Variants in AGFG1 observed in about 807,000 individuals in gnomAD.
AGFG1 encodes the protein arf-GAP domain and FG repeat-containing protein 1.
A neutral mutation model predicts 60.6 loss-of-function variants in AGFG1; 10 were observed. The observed-to-expected ratio is 0.16, with a 90% CI of 0.10 to 0.28. The LOEUF (loss-of-function observed/expected upper bound fraction) is 0.28. Ranked by LOEUF, AGFG1 falls within the 10% of genes least tolerant of loss-of-function variation. The pLI is 1.00. For synonymous variants in AGFG1, 247 were observed against 242.9 expected, an observed-to-expected ratio of 1.02 and a Z score of -0.16; for missense variants, 537 against 676.5, an observed-to-expected ratio of 0.79 and a Z score of 2.29.
intron 1 of AGFG1, among the ~76,000 whole-genome samples, chr2:227,483,889 A>G (rs1001258330): frequency 2.0e-5 from 3 of 151,252 alleles, no homozygotes; most frequent in African/African-American, 7.3e-5. Flanking sequence ...TTTTGTTTTG[A>G]TTTTTCCCTT....
At position 227,558,410 on chromosome 2, in the gene AGFG1, T is replaced by G. The variant is rs2106252080; in HGVS notation, c.*3915T>G. On this transcript the variant is annotated 3_prime_UTR_variant, in exon 13 of 13. Coordinates refer to ENST00000310078, the MANE Select transcript of AGFG1 (RefSeq NM_004504.5). ...TTATTCTTGGTTTTTTTTTTTAACTTTAGAAGTAAATTAATATGGTAACTA... is the reference window on the plus strand; with the variant it reads ...TTATTCTTGGTTTTTTTTTTTAACTGTAGAAGTAAATTAATATGGTAACTA... 6.6e-6 allele frequency: 1 copy of G among 152,210 alleles called. No homozygotes were observed. The highest frequency in any genetic ancestry group is 2.1e-4 in the South Asian group (1 of 4,826). The allele number at this position is 152,210 out of a possible 1,614,324, so 9.4% of individuals were successfully genotyped here. A position where few individuals can be genotyped will look rare whatever the true frequency, so the allele number is the denominator to read the frequency against.
intron 1 of AGFG1, among the ~76,000 whole-genome samples, chr2:227,474,801 T>C (rs1690231355): frequency 6.6e-6 from 1 of 152,250 alleles, no homozygotes; most frequent in African/African-American, 2.4e-5. Context: ...ATGAGCTAGG[T>C]ACACATGGCT....
intron 2 of AGFG1, among the ~76,000 whole-genome samples, chr2:227,508,836 A>G (rs943503413): frequency 6.6e-6 from 1 of 152,196 alleles, no homozygotes; most frequent in Non-Finnish European, 1.5e-5. Context: ...AAGGATAGGC[A>G]CGGATCTGTA....
intron 12 of AGFG1, among the ~76,000 whole-genome samples, chr2:227,554,154 T>C (rs992669496): frequency 3.9e-5 from 6 of 152,186 alleles, no homozygotes; most frequent in African/African-American, 1.2e-4. Context: ...TCAGAAGTTT[T>C]GTTTGAATCA....
Position 227,555,842 on chromosome 2 carries a change from A to G in AGFG1, c.*1347A>G, listed in dbSNP as rs561626649. The stretch of plus-strand genomic sequence containing the variant: ...TTAAAAATGCCTCTGAGCAACCCAT[A>G]TAAGTCACAAAGTCTGTGTGTTAGA... On this transcript the variant is annotated 3_prime_UTR_variant, in exon 13 of 13. Transcript: ENST00000310078. 2.6e-5 allele frequency: 4 copies of G among 152,304 alleles called. No individual in the cohort carries two copies. The highest frequency in any genetic ancestry group is 2.1e-4 in the South Asian group (1 of 4,824). The allele number at this position is 152,304 out of a possible 1,614,324, so 9.4% of individuals were successfully genotyped here. A position where few individuals can be genotyped will look rare whatever the true frequency, so the allele number is the denominator to read the frequency against.
chr2:227,473,804 T>A (rs1261778949), intron 1 of AGFG1, among the ~76,000 whole-genome samples: 1 of 152,192 alleles, frequency 6.6e-6, no homozygotes, highest in Non-Finnish European at 1.5e-5. Context: ...TATTTGCTTT[T>A]TAAAGTTGGG....
In AGFG1 at chr2:227,560,822, C is replaced by T. The variant is rs1224273482; in HGVS notation, c.*6327C>T. 2.6e-5 allele frequency: 4 copies of T among 152,128 alleles called. No homozygotes were observed. Among genetic ancestry groups the T allele is most frequent in the Non-Finnish European group, 4.4e-5 (3 of 67,974 alleles). The allele number at this position is 152,128 out of a possible 1,614,324, so 9.4% of individuals were successfully genotyped here. On this transcript the variant is annotated 3_prime_UTR_variant, in exon 13 of 13. Transcript: ENST00000310078. Reference sequence around the variant, plus strand: ...GGTTTGGAGCTCAGAAATTTCTTAACATGTCTTTGCTGTTAGTCAAGCACA... The same window carrying T: ...GGTTTGGAGCTCAGAAATTTCTTAATATGTCTTTGCTGTTAGTCAAGCACA...
chr2:227,506,680 T>C (rs551761698), intron 2 of AGFG1, among the ~76,000 whole-genome samples: 1 of 152,236 alleles, frequency 6.6e-6, no homozygotes, highest in Non-Finnish European at 1.5e-5. Context: ...ATAGTTGTTA[T>C]CTGCTGGAGA....
Position 227,472,427 on chromosome 2 carries a change from G to C in AGFG1, c.6G>C (p.Ala2=). Residue 2 remains alanine (A), a synonymous_variant, in exon 1 of 13, where the codon GCG becomes GCC. Transcript: ENST00000310078. M[A]ASAKRKQEEK... is the part of the protein sequence containing the mutation. ...CCTCCCTTGGCGCCGCGGCCATGGC[G>C]GCCAGCGCGAAGCGGAAGCAGGAGG... is the stretch of plus-strand genomic sequence containing the variant. 1 of 1,512,916 alleles carries C rather than the reference G, an allele frequency of 6.6e-7. No individual in the cohort carries two copies. The highest frequency in any genetic ancestry group is 8.9e-7 in the Non-Finnish European group (1 of 1,128,812). 93.7% of individuals were successfully genotyped at this position (1,512,916 alleles called of 1,614,324 possible). A position where few individuals can be genotyped will look rare whatever the true frequency, so the allele number is the denominator to read the frequency against.
At chr2:227,537,272 A>G (rs1254782701) in intron 10 of AGFG1, among the ~76,000 whole-genome samples, 1 of 152,178 alleles carries the variant, frequency 6.6e-6, no homozygotes, top group Non-Finnish European at 1.5e-5. Context: ...GAGACTCCAC[A>G]GAACGTTTAT....
chr2:227,531,524 T>TC (rs1692158724), intron 6 of AGFG1, among the ~76,000 whole-genome samples: 1 of 91,104 alleles, frequency 1.1e-5, no homozygotes, highest in Admixed American at 1.2e-4. Flanking sequence ...TCTCTCTGTC[T>TC]CTTTTTTTTT....
At chr2:227,495,816 C>T (rs1575072726) in intron 2 of AGFG1, among the ~76,000 whole-genome samples, 3 of 152,080 alleles carry the variant, frequency 2.0e-5, no homozygotes, top group African/African-American at 7.2e-5. Flanking sequence ...AAAAGCATTA[C>T]TACTGGCCAA....
At position 227,558,719 on chromosome 2, in the gene AGFG1, A is replaced by G. The variant is rs1380191821; in HGVS notation, c.*4224A>G. 3 of 152,194 alleles carry G rather than the reference A, an allele frequency of 2.0e-5. No individual in the cohort carries two copies. Among genetic ancestry groups the G allele is most frequent in the Non-Finnish European group, 4.4e-5 (3 of 68,022 alleles). 9.4% of individuals were successfully genotyped at this position (152,194 alleles called of 1,614,324 possible). A position where few individuals can be genotyped will look rare whatever the true frequency, so the allele number is the denominator to read the frequency against. On this transcript the variant is annotated 3_prime_UTR_variant, in exon 13 of 13. Transcript: ENST00000310078. The stretch of plus-strand genomic sequence containing the variant: ...TCCAGTGTTGTGCTGCTGAATGTTT[A>G]ACAACCATCTTTCATGAAAGAAAAA...
At chr2:227,488,901 C>T (rs867684584) in intron 1 of AGFG1, among the ~76,000 whole-genome samples, 1 of 152,214 alleles carries the variant, frequency 6.6e-6, no homozygotes, top group South Asian at 2.1e-4. Context: ...GCACCCTCTG[C>T]CTCCCAGGTT....
intron 2 of AGFG1, among the ~76,000 whole-genome samples, chr2:227,499,234 G>A (rs1040698750): frequency 6.6e-6 from 1 of 151,902 alleles, no homozygotes; most frequent in African/African-American, 2.4e-5. Context: ...TTGTTCATCA[G>A]TATCTTACTT....
At chr2:227,474,924 T>C (rs553252350) in intron 1 of AGFG1, among the ~76,000 whole-genome samples, 4 of 152,302 alleles carry the variant, frequency 2.6e-5, no homozygotes, top group African/African-American at 9.6e-5. Context: ...CCTTGTAAGT[T>C]TTGGATGTAG....
At chr2:227,540,045 A>C (rs1210913981) in intron 10 of AGFG1, among the ~76,000 whole-genome samples, 1 of 152,108 alleles carries the variant, frequency 6.6e-6, no homozygotes, top group African/African-American at 2.4e-5. Flanking sequence ...CATGTTGACC[A>C]GACTGGTCTT....
At chr2:227,527,244 C>G (rs1692021996) in intron 5 of AGFG1, among the ~76,000 whole-genome samples, 1 of 151,848 alleles carries the variant, frequency 6.6e-6, no homozygotes, top group African/African-American at 2.4e-5. Context: ...TATAAATTGT[C>G]TTTGATAAGT....
intron 1 of AGFG1, among the ~76,000 whole-genome samples, chr2:227,484,684 T>TTTTG (rs1406323117): frequency 9.5e-5 from 1 of 10,570 alleles, no homozygotes; most frequent in African/African-American, 2.9e-4. Context: ...TTAGTTTTTT[T>TTTTG]TTTGTTTTTT....
Sources: gnomAD v4.1 joint callset for allele counts (sites outside exome capture counted in the v4.1 genomes callset) on GRCh38, gnomAD v4.1.1 for gene constraint, MANE v1.5 for transcripts, NCBI Gene and HGNC (gene_info 2026-07-23, HGNC 2026-07-21) for gene names.